The following SNRPE variants were observed in gnomAD, a reference collection of about 807,000 sequenced individuals.
The protein encoded by SNRPE is small nuclear ribonucleoprotein polypeptide E.
For missense variants in SNRPE, 53 were observed against 111.6 expected, an observed-to-expected ratio of 0.48 and a Z score of 2.36; for synonymous variants, 35 against 36.7, an observed-to-expected ratio of 0.95 and a Z score of 0.17.
intron 4 of SNRPE, among the ~76,000 whole-genome samples, chr1:203,868,382 T>C (rs1690137101): frequency 1.3e-5 from 2 of 152,204 alleles, no homozygotes; most frequent in South Asian, 4.1e-4. Flanking sequence ...ACCCAGTTAA[T>C]GAATGGTCTT....
At chr1:203,868,216 T>C (rs1690133632) in intron 4 of SNRPE, among the ~76,000 whole-genome samples, 1 of 152,050 alleles carries the variant, frequency 6.6e-6, no homozygotes, top group African/African-American at 2.4e-5. Flanking sequence ...CCACCACGCC[T>C]GGCTGATTTT....
Position 203,870,196 on chromosome 1 carries a change from G to T in SNRPE, c.*264G>T, listed in dbSNP as rs776979299. ...CAGTTGCCTTGAGCACTTGGTATTC[G>T]CAGAGCTTGGACCTGTAGATTTTGA... On this transcript the variant is annotated 3_prime_UTR_variant, in exon 5 of 5. Coordinates refer to ENST00000414487, the MANE Select transcript of SNRPE (RefSeq NM_003094.4). The T allele has an allele frequency of 2.3e-5, 7 of 303,652 alleles. No individual in the cohort carries two copies. Among genetic ancestry groups the T allele is most frequent in the Admixed American group, 2.1e-4 (4 of 19,064 alleles). 18.8% of individuals were successfully genotyped at this position (303,652 alleles called of 1,614,324 possible).
chr1:203,867,933 C>CT (rs1690128047), intron 4 of SNRPE, among the ~76,000 whole-genome samples: 2 of 152,188 alleles, frequency 1.3e-5, no homozygotes, highest in South Asian at 4.1e-4. Flanking sequence ...ATTAGTGTCT[C>CT]TCCTGTTATC....
Position 203,870,122 on chromosome 1 carries a change from T to C in SNRPE, c.*190T>C. 1 of 494,418 alleles carries C rather than the reference T, an allele frequency of 2.0e-6. No homozygotes were observed. The highest frequency in any genetic ancestry group is 3.6e-6 in the Non-Finnish European group (1 of 280,650). The allele number at this position is 494,418 out of a possible 1,614,324, so 30.6% of individuals were successfully genotyped here. A position where few individuals can be genotyped will look rare whatever the true frequency, so the allele number is the denominator to read the frequency against. ...CTTACTATTCAGCAGTAGAAACTTT[T>C]TACACAGTAACACCATTCGTTGCTG... On this transcript the variant is annotated 3_prime_UTR_variant, in exon 5 of 5. Transcript: ENST00000414487.
chr1:203,865,190 C>G, intron 4 of SNRPE, 71 bp downstream of exon 4: 6 of 1,329,144 alleles, frequency 4.5e-6, no homozygotes, highest in Non-Finnish European at 6.4e-6. Context: ...TGACCTGCAA[C>G]TCAGTTCATG....
At position 203,863,531 on chromosome 1, in the gene SNRPE, G is replaced by A. The variant is rs1419539855; in HGVS notation, c.82-132G>A. ...AGATGGGGTTTCACCATGTTAACGA[G>A]GATGGTCTCTATCTCTTGACCTTGT... On this transcript the variant is annotated intron_variant, in intron 2 of 4. Transcript: ENST00000414487. 1.1e-5 allele frequency: 7 copies of A among 666,108 alleles called. No individual in the cohort carries two copies. The African/African-American group carries it at 1.1e-4, about 10-fold the overall frequency. The allele number at this position is 666,108 out of a possible 1,614,324, so 41.3% of individuals were successfully genotyped here.
In SNRPE at chr1:203,870,169, C is replaced by T. The variant is rs1337591495; in HGVS notation, c.*237C>T. On this transcript the variant is annotated 3_prime_UTR_variant, in exon 5 of 5. Coordinates refer to ENST00000414487, the MANE Select transcript of SNRPE (RefSeq NM_003094.4). ...GCTGGTATTTAGTTTTCTGAAGGGT[C>T]GCAGTTGCCTTGAGCACTTGGTATT... 3.8e-5 allele frequency: 14 copies of T among 365,890 alleles called. No homozygotes were observed. Among genetic ancestry groups the T allele is most frequent in the East Asian group, 3.3e-4 (7 of 21,458 alleles). The allele number at this position is 365,890 out of a possible 1,614,324, so 22.7% of individuals were successfully genotyped here. A position where few individuals can be genotyped will look rare whatever the true frequency, so the allele number is the denominator to read the frequency against.
rs192013429 is a variant in SNRPE, at chr1:203,865,620, T to C, written c.223+501T>C. Among the ~76,000 whole-genome samples the C allele has an allele frequency of 2.3e-3, 356 of 152,304 alleles. 2 individuals are homozygous for C. The highest frequency in any genetic ancestry group is 6.8e-3 in the Middle Eastern group (2 of 294). Reference sequence around the variant, plus strand: ...CAAGTTCAGTTCAGTTCTAACACTATCTACCTGAGATAGCGTCAGTTCCCA... The same window carrying C: ...CAAGTTCAGTTCAGTTCTAACACTACCTACCTGAGATAGCGTCAGTTCCCA... On this transcript the variant is annotated intron_variant, in intron 4 of 4. Coordinates refer to ENST00000414487, the MANE Select transcript of SNRPE (RefSeq NM_003094.4).
At chr1:203,864,876 CA>C (rs61506397) in intron 3 of SNRPE, among the ~76,000 whole-genome samples, 164 bp from the exon 4 acceptor site, 14,910 of 115,366 alleles carry the variant, frequency 0.13, 267 homozygotes, top group Middle Eastern at 0.17. Flanking sequence ...GATCCTTTCT[CA>C]AAAAAAAAAA....
chr1:203,865,818 G>A (rs764548107), intron 4 of SNRPE, among the ~76,000 whole-genome samples: 124 of 152,292 alleles, frequency 8.1e-4, no homozygotes, highest in Non-Finnish European at 1.1e-3. Flanking sequence ...CACAGAACTC[G>A]GGGAAACACT....
intron 4 of SNRPE, among the ~76,000 whole-genome samples, chr1:203,866,187 G>A (rs189509378): frequency 8.4e-4 from 128 of 152,284 alleles, no homozygotes; most frequent in Non-Finnish European, 1.4e-3. Context: ...TCAATCATTA[G>A]CATACAAAAA....
At chr1:203,862,330 G>T in intron 2 of SNRPE, 108 bp downstream of exon 2, 1 of 803,730 alleles carries the variant, frequency 1.2e-6, no homozygotes, top group Non-Finnish European at 2.2e-6. Context: ...AAAAATAGAT[G>T]TAACTGGAGA....
At chr1:203,869,289 CTTTTTTTTTTTTTTTTTTTTT>C (rs564988259) in intron 4 of SNRPE, among the ~76,000 whole-genome samples, 17 of 66,820 alleles carry the variant, frequency 2.5e-4, no homozygotes, top group African/African-American at 7.8e-4. Context: ...AGGATGGAGT[CTTTTTTTTTTTTTTTTTTTTT>C]TTTTTTTTTT....
At chr1:203,862,245 A>G in intron 2 of SNRPE, 23 bp downstream of exon 2, 1 of 1,566,096 alleles carries the variant, frequency 6.4e-7, no homozygotes, top group Non-Finnish European at 8.8e-7. Flanking sequence ...CTTGTTTCGT[A>G]ACTACTTTTT....
chr1:203,864,169 G>T (rs1357761947), intron 3 of SNRPE, among the ~76,000 whole-genome samples: 1 of 151,948 alleles, frequency 6.6e-6, no homozygotes, highest in African/African-American at 2.4e-5. Context: ...GCCCAGGCTG[G>T]TCTCAAACTC....
At chr1:203,865,722 A>G (rs540259524) in intron 4 of SNRPE, among the ~76,000 whole-genome samples, 3 of 152,188 alleles carry the variant, frequency 2.0e-5, no homozygotes, top group Admixed American at 1.3e-4. Context: ...TCAGCTCCAG[A>G]TTGTTTTACC....
intron 4 of SNRPE, among the ~76,000 whole-genome samples, chr1:203,867,828 G>A (rs1558158836): frequency 6.6e-6 from 1 of 152,114 alleles, no homozygotes; most frequent in Non-Finnish European, 1.5e-5. Context: ...GCTCTAAAAA[G>A]TTCAAAGTTT....
chr1:203,867,202 C>G (rs1403149429), intron 4 of SNRPE, among the ~76,000 whole-genome samples: 7 of 150,554 alleles, frequency 4.6e-5, no homozygotes, highest in Non-Finnish European at 8.9e-5. Flanking sequence ...ATGGCGCGAA[C>G]CTGGGAGGCG....
chr1:203,869,978 T>A lies in SNRPE; in HGVS notation c.*46T>A. ...AATTGTTGAGAAGGATACAGTTTGT[T>A]TTTAGATGTCCTTTGTCCAATGTGA... On this transcript the variant is annotated 3_prime_UTR_variant, in exon 5 of 5. Coordinates refer to ENST00000414487, the MANE Select transcript of SNRPE (RefSeq NM_003094.4). The A allele has an allele frequency of 8.0e-7, 1 of 1,251,082 alleles. No individual in the cohort carries two copies. The highest frequency in any genetic ancestry group is 1.2e-6 in the Non-Finnish European group (1 of 868,774). The allele number at this position is 1,251,082 out of a possible 1,614,324, so 77.5% of individuals were successfully genotyped here.
Sources: gnomAD v4.1 joint callset for allele counts (sites outside exome capture counted in the v4.1 genomes callset) on GRCh38, gnomAD v4.1.1 for gene constraint, MANE v1.5 for transcripts, NCBI Gene and HGNC (gene_info 2026-07-23, HGNC 2026-07-21) for gene names.